OR51B5: variants seen among roughly 807,000 people sequenced by gnomAD.
OR51B5 encodes the protein olfactory receptor 51B5.
For missense variants in OR51B5, 456 were observed against 374.6 expected (o/e 1.22, Z -1.79); for synonymous variants, 186 against 144.8 (o/e 1.28, Z -2.04).
intron 1 of OR51B5, chr11:5,392,591 C>T (rs1488786576): frequency 1.3e-5 from 2 of 152,218 alleles, no homozygotes; most frequent in African/African-American, 4.8e-5. Context: ...TAATTTGTTA[C>T]TAAACGAATA....
chr11:5,343,046 G>A (rs4910551), exon 1 of OR51B5: 697,651 of 1,611,636 alleles, frequency 0.43, 155,530 homozygotes, highest in Non-Finnish European at 0.46. Context: ...AAAATAGAGG[G>A]GCCTGATTGG....
intron 1 of OR51B5, among the ~76,000 whole-genome samples, chr11:5,457,872 C>G (rs1025768493): frequency 2.0e-5 from 3 of 152,022 alleles, no homozygotes; most frequent in African/African-American, 7.2e-5. Flanking sequence ...AGACATTTGT[C>G]AGGTCCATAG....
intron 1 of OR51B5, among the ~76,000 whole-genome samples, chr11:5,423,468 G>A (rs1426516197): frequency 1.3e-5 from 2 of 152,136 alleles, no homozygotes; most frequent in Admixed American, 6.5e-5. Flanking sequence ...CTACGGGCTT[G>A]TTTAAACTTA....
At chr11:5,419,788 A>G (rs1467906756) in intron 1 of OR51B5, among the ~76,000 whole-genome samples, 1 of 152,036 alleles carries the variant, frequency 6.6e-6, no homozygotes, top group Non-Finnish European at 1.5e-5. Flanking sequence ...CCCAGTTTAT[A>G]TACAATGGGC....
chr11:5,354,464 G>A (rs1023106256), intron 1 of OR51B5, among the ~76,000 whole-genome samples: 2 of 149,754 alleles, frequency 1.3e-5, no homozygotes, highest in African/African-American at 2.4e-5. Context: ...GTGATGAAGA[G>A]ACAAGATAAA....
In OR51B5 at chr11:5,440,525, T is replaced by A. The variant is rs186321461; in HGVS notation, n.84+65044A>T. The stretch of plus-strand genomic sequence containing the variant: ...TAGCATTCCTTAAGTTGTTAACATG[T>A]CCCAATCCTTCCTCCAAAGGAGCTT... On this transcript the variant is annotated intron_variant and non_coding_transcript_variant, in intron 1 of 4. Transcript: ENST00000415970. 1.8e-5 allele frequency: 25 copies of A among 1,396,822 alleles called. No individual in the cohort carries two copies. The Admixed American group carries it at 3.9e-4, about 22-fold the overall frequency. The allele number at this position is 1,396,822 out of a possible 1,614,324, so 86.5% of individuals were successfully genotyped here. A position where few individuals can be genotyped will look rare whatever the true frequency, so the allele number is the denominator to read the frequency against.
chr11:5,390,971 A>G (rs1849786140), intron 1 of OR51B5: 1 of 152,430 alleles, frequency 6.6e-6, no homozygotes, highest in Non-Finnish European at 1.5e-5. Flanking sequence ...TCCTGACCAT[A>G]TTCCTCTAGA....
At chr11:5,455,564 GGAGAGAGAGA>G (rs200808879) in intron 1 of OR51B5, 1 of 70,436 alleles carries the variant, frequency 1.4e-5, no homozygotes. Flanking sequence ...AAAGAAGGGG[GGAGAGAGAGA>G]GAGAAAGAGA....
intron 1 of OR51B5, among the ~76,000 whole-genome samples, chr11:5,500,581 C>T (rs1846276277): frequency 1.4e-5 from 2 of 147,942 alleles, no homozygotes; most frequent in African/African-American, 4.9e-5. Flanking sequence ...GCCAAAACCA[C>T]ACCTTGCAAT....
At chr11:5,364,229 G>T (rs1398931609) in intron 1 of OR51B5, among the ~76,000 whole-genome samples, 4 of 152,158 alleles carry the variant, frequency 2.6e-5, no homozygotes, top group Non-Finnish European at 5.9e-5. Flanking sequence ...AGCTCATCTA[G>T]CTATGACAAA....
In OR51B5 at chr11:5,385,669, T is replaced by G. The variant is rs1056510661; in HGVS notation, n.85-38759A>C. Among the ~76,000 whole-genome samples, 3 of 148,032 alleles carry G rather than the reference T, an allele frequency of 2.0e-5. No individual in the cohort carries two copies. The Admixed American group carries it at 2.0e-4, about 10-fold the overall frequency. ...TGTTCTAAACATGTATAATAAAGAA[T>G]ACGTATAAATACTACCTATAATATA... On this transcript the variant is annotated intron_variant and non_coding_transcript_variant, in intron 1 of 4. Coordinates refer to the OR51B5 transcript ENST00000415970.
chr11:5,351,074 C>T (rs1564915608), intron 1 of OR51B5, among the ~76,000 whole-genome samples: 1 of 152,140 alleles, frequency 6.6e-6, no homozygotes, highest in Non-Finnish European at 1.5e-5. Context: ...CTCACATAGC[C>T]TGGGAAACCT....
intron 1 of OR51B5, among the ~76,000 whole-genome samples, chr11:5,463,150 T>C (rs1287070810): frequency 6.6e-6 from 1 of 152,256 alleles, no homozygotes; most frequent in East Asian, 1.9e-4. Context: ...AAAATATGTA[T>C]GAAATAGAAT....
intron 1 of OR51B5, among the ~76,000 whole-genome samples, chr11:5,485,176 C>G (rs185378653): frequency 2.6e-5 from 4 of 152,166 alleles, no homozygotes; most frequent in Non-Finnish European, 5.9e-5. Context: ...ACTCTTAGCC[C>G]AGCAAAAGAA....
At chr11:5,347,628 G>A (rs1464931648), upstream of OR51B5, among the ~76,000 whole-genome samples, 1 of 152,102 alleles carries the variant, frequency 6.6e-6, no homozygotes, top group Non-Finnish European at 1.5e-5. Context: ...CCACAATGTA[G>A]ACAAAATATT....
chr11:5,492,640 C>G (rs546565616), intron 1 of OR51B5, among the ~76,000 whole-genome samples: 1 of 152,148 alleles, frequency 6.6e-6, no homozygotes, highest in Non-Finnish European at 1.5e-5. Context: ...ATTACCAACT[C>G]TGGAATCCAA....
chr11:5,368,379 G>A (rs1849404334), intron 1 of OR51B5, among the ~76,000 whole-genome samples: 1 of 152,076 alleles, frequency 6.6e-6, no homozygotes, highest in African/African-American at 2.4e-5. Context: ...CCACATGGTT[G>A]AATTATTTTA....
intron 1 of OR51B5, among the ~76,000 whole-genome samples, chr11:5,483,514 A>AGAAAAG (rs1554896859): frequency 1.4e-5 from 2 of 140,934 alleles, no homozygotes; most frequent in East Asian, 2.2e-4. Flanking sequence ...TAATTAAAAA[A>AGAAAAG]AAAAGAAAAG....
intron 1 of OR51B5, among the ~76,000 whole-genome samples, chr11:5,500,290 C>T (rs1851699214): frequency 6.6e-6 from 1 of 152,130 alleles, no homozygotes; most frequent in Non-Finnish European, 1.5e-5. Flanking sequence ...CCATAGTGCC[C>T]TATGTGATCT....
Sources: allele counts gnomAD v4.1 joint callset (sites outside exome capture counted in the v4.1 genomes callset), GRCh38; gene constraint gnomAD v4.1.1; transcripts MANE v1.5; gene names NCBI Gene and HGNC (gene_info 2026-07-23, HGNC 2026-07-21).